Variants in COL25A1 observed in about 807,000 individuals in gnomAD.
COL25A1 encodes collagen type XXV alpha 1 chain.
In COL25A1, 103 loss-of-function variants were observed where a neutral mutation model predicts 128.4. The ratio of observed to expected loss-of-function variants is 0.80; its 90% CI spans 0.68 to 0.94. COL25A1 has a LOEUF of 0.94. COL25A1 is among the 40% of genes least tolerant of loss of function. COL25A1 has a pLI of 0.00. For missense variants in COL25A1, 745 were observed against 840.0 expected, an observed-to-expected ratio of 0.89 and a Z score of 1.40; for synonymous variants, 279 against 277.2, an observed-to-expected ratio of 1.01 and a Z score of -0.06.
chr4:109,182,046 T>C (rs1309033691), intron 3 of COL25A1, among the ~76,000 whole-genome samples: 3 of 152,154 alleles, frequency 2.0e-5, no homozygotes, highest in Admixed American at 6.6e-5. Flanking sequence ...TTTTATAGGC[T>C]GAATAGAATC....
intron 8 of COL25A1, among the ~76,000 whole-genome samples, chr4:108,971,052 C>A (rs985381117): frequency 3.9e-5 from 6 of 152,022 alleles, no homozygotes; most frequent in South Asian, 4.1e-4. Context: ...TTCAGTGTAT[C>A]CTCCTAAAGA....
chr4:108,832,225 T>G (rs1452464884), intron 32 of COL25A1, among the ~76,000 whole-genome samples, 155 bp downstream of exon 32: 1 of 152,222 alleles, frequency 6.6e-6, no homozygotes, highest in African/African-American at 2.4e-5. Flanking sequence ...TCTCTCAATA[T>G]TAGGACTCTG....
chr4:109,294,842 C>T (rs961426414), intron 3 of COL25A1, among the ~76,000 whole-genome samples: 2 of 152,074 alleles, frequency 1.3e-5, no homozygotes, highest in Admixed American at 1.3e-4. Context: ...GGAAATGCCC[C>T]CCAGGGCTGC....
chr4:109,234,412 C>T (rs547189251), intron 3 of COL25A1, among the ~76,000 whole-genome samples: 41 of 152,256 alleles, frequency 2.7e-4, no homozygotes, highest in African/African-American at 9.6e-4. Flanking sequence ...AATTTCTTCT[C>T]TGTTGACAAT....
intron 5 of COL25A1, among the ~76,000 whole-genome samples, chr4:109,036,820 C>G (rs925596038): frequency 6.6e-6 from 1 of 152,176 alleles, no homozygotes; most frequent in Admixed American, 6.5e-5. Flanking sequence ...GCAGAGAACT[C>G]TCTAATCCAC....
chr4:109,083,464 T>A (rs1247967784), intron 3 of COL25A1, among the ~76,000 whole-genome samples: 1 of 125,634 alleles, frequency 8.0e-6, no homozygotes, highest in South Asian at 3.6e-4. Context: ...TTTTTTTTTT[T>A]TTTTTTTTTT....
rs1312467197 is a variant in COL25A1, at chr4:108,812,482, G to C, written c.*1445C>G. The C allele has an allele frequency of 1.3e-5, 2 of 152,092 alleles. No individual in the cohort carries two copies. Among genetic ancestry groups the C allele is most frequent in the Non-Finnish European group, 2.9e-5 (2 of 68,026 alleles). 9.4% of individuals were successfully genotyped at this position (152,092 alleles called of 1,614,324 possible). On this transcript the variant is annotated 3_prime_UTR_variant, in exon 38 of 38. Coordinates refer to ENST00000399132, the MANE Select transcript of COL25A1 (RefSeq NM_198721.4). Reference sequence around the variant, plus strand: ...TAACTTTCATGCTTTACAATGATTAGACTGAAAGTGGAGCTTCTTTTATAT... The same window carrying C: ...TAACTTTCATGCTTTACAATGATTACACTGAAAGTGGAGCTTCTTTTATAT...
chr4:109,103,646 G>A (rs1766127621), intron 3 of COL25A1, among the ~76,000 whole-genome samples: 1 of 152,112 alleles, frequency 6.6e-6, no homozygotes, highest in South Asian at 2.1e-4. Flanking sequence ...CTCACTGAAA[G>A]GAATGAAGTC....
intron 3 of COL25A1, among the ~76,000 whole-genome samples, chr4:109,115,635 T>C (rs1353724727): frequency 6.6e-6 from 1 of 152,072 alleles, no homozygotes; most frequent in Admixed American, 6.6e-5. Context: ...TGTGGAGATG[T>C]TAAGGATGTA....
At chr4:109,053,848 C>G (rs1466119041) in intron 3 of COL25A1, among the ~76,000 whole-genome samples, 1 of 152,164 alleles carries the variant, frequency 6.6e-6, no homozygotes, top group Non-Finnish European at 1.5e-5. Flanking sequence ...TCTATTTCAA[C>G]ACAAATTTCT....
intron 13 of COL25A1, among the ~76,000 whole-genome samples, chr4:108,916,006 A>G (rs1744834083): frequency 6.6e-6 from 1 of 152,120 alleles, no homozygotes; most frequent in African/African-American, 2.4e-5. Flanking sequence ...ATGTAAAATT[A>G]TTACTCTATT....
chr4:109,128,502 T>C (rs921608632), intron 3 of COL25A1, among the ~76,000 whole-genome samples: 1 of 152,216 alleles, frequency 6.6e-6, no homozygotes, highest in East Asian at 1.9e-4. Context: ...CCTCCATGTA[T>C]TGATTTATGA....
intron 8 of COL25A1, among the ~76,000 whole-genome samples, chr4:108,941,822 C>T (rs1165394086): frequency 6.6e-6 from 1 of 152,162 alleles, no homozygotes; most frequent in Non-Finnish European, 1.5e-5. Flanking sequence ...TGTCAACCAG[C>T]ATAATGTGGC....
chr4:109,296,241 A>G (rs1052508883), intron 3 of COL25A1, among the ~76,000 whole-genome samples: 9 of 152,008 alleles, frequency 5.9e-5, no homozygotes, highest in Non-Finnish European at 1.0e-4. Context: ...TAGAGTTTTT[A>G]TTTTCATCGG....
At chr4:109,143,599 G>C (rs186488409) in intron 3 of COL25A1, among the ~76,000 whole-genome samples, 7 of 151,934 alleles carry the variant, frequency 4.6e-5, no homozygotes, top group Non-Finnish European at 1.0e-4. Flanking sequence ...GGCTTTCTTC[G>C]TTCCTTTCCA....
intron 3 of COL25A1, among the ~76,000 whole-genome samples, chr4:109,058,247 G>A (rs1761626067): frequency 6.6e-6 from 1 of 152,052 alleles, no homozygotes; most frequent in Non-Finnish European, 1.5e-5. Flanking sequence ...TTTTACCCCA[G>A]GATCCTACAG....
At chr4:108,817,140 T>C (rs747631783) in intron 37 of COL25A1, among the ~76,000 whole-genome samples, 1 of 152,158 alleles carries the variant, frequency 6.6e-6, no homozygotes, top group African/African-American at 2.4e-5. Context: ...AGCAAAACAT[T>C]ATCAGGATGC....
At chr4:109,012,314 C>T (rs1462041176) in intron 5 of COL25A1, among the ~76,000 whole-genome samples, 10 of 152,354 alleles carry the variant, frequency 6.6e-5, no homozygotes, top group East Asian at 1.9e-4. Flanking sequence ...GAGGTGACAA[C>T]GTGCTAGCAG....
At chr4:108,823,811 G>A (rs2125713242) in intron 35 of COL25A1, 1 of 774,936 alleles carries the variant, frequency 1.3e-6, no homozygotes, top group Non-Finnish European at 1.7e-6. Flanking sequence ...GCCTTTGCAG[G>A]GTTCAATGAG....
Sources: allele counts gnomAD v4.1 joint callset (sites outside exome capture counted in the v4.1 genomes callset), GRCh38; gene constraint gnomAD v4.1.1; transcripts MANE v1.5; gene names NCBI Gene and HGNC (gene_info 2026-07-23, HGNC 2026-07-21).